LPP: variants seen among roughly 807,000 people sequenced by gnomAD.
The protein encoded by LPP is lipoma-preferred partner.
LPP carries 38 observed loss-of-function variants against 60.4 expected under a neutral mutation model. The ratio of observed to expected loss-of-function variants is 0.63; its 90% CI spans 0.49 to 0.83. The LOEUF (loss-of-function observed/expected upper bound fraction) is 0.83, where lower values mean the gene tolerates loss of function less well. LPP is among the 40% of genes least tolerant of loss of function. The probability of loss-of-function intolerance (pLI) is 0.00; values close to 1 mark genes in which losing one functional copy is unlikely to be tolerated. For missense variants in LPP, 902 were observed against 783.6 expected, an observed-to-expected ratio of 1.15 and a Z score of -1.80; for synonymous variants, 328 against 290.8, an observed-to-expected ratio of 1.13 and a Z score of -1.30.
chr3:188,723,904 T>A (rs187105391), intron 8 of LPP, among the ~76,000 whole-genome samples: 2 of 152,294 alleles, frequency 1.3e-5, no homozygotes, highest in East Asian at 3.9e-4. Flanking sequence ...GGAGAGCACA[T>A]CTTTCTTATC....
intron 8 of LPP, among the ~76,000 whole-genome samples, chr3:188,735,372 T>C (rs1722118226): frequency 6.7e-6 from 1 of 149,500 alleles, no homozygotes; most frequent in Non-Finnish European, 1.5e-5. Context: ...AAATAAAAAT[T>C]TTATTTTATT....
At chr3:188,479,145 G>A (rs775968627) in intron 4 of LPP, among the ~76,000 whole-genome samples, 15 of 152,250 alleles carry the variant, frequency 9.9e-5, no homozygotes, top group African/African-American at 2.9e-4. Flanking sequence ...GTGTGTGTGC[G>A]TGTGTGTGTA....
chr3:188,219,868 T>C (rs556112222), intron 1 of LPP, among the ~76,000 whole-genome samples: 11 of 152,288 alleles, frequency 7.2e-5, no homozygotes, highest in Non-Finnish European at 1.3e-4. Context: ...TCTTCATTCA[T>C]AGAACTCCCA....
At chr3:188,407,788 G>T (rs3846181) in intron 4 of LPP, among the ~76,000 whole-genome samples, 51,644 of 106,724 alleles carry the variant, frequency 0.48, 12,790 homozygotes, top group Middle Eastern at 0.69. Flanking sequence ...TTGTTTGTTT[G>T]TTTTTTTTTT....
At chr3:188,375,115 T>C (rs1207009474) in intron 3 of LPP, among the ~76,000 whole-genome samples, 1 of 152,164 alleles carries the variant, frequency 6.6e-6, no homozygotes, top group Non-Finnish European at 1.5e-5. Context: ...TTGCCAGTAT[T>C]TTATTGAGGA....
At chr3:188,681,759 C>T (rs955369878) in intron 7 of LPP, among the ~76,000 whole-genome samples, 9 of 152,276 alleles carry the variant, frequency 5.9e-5, no homozygotes, top group African/African-American at 7.2e-5. Context: ...TTGACTTTTA[C>T]GCCATTTTTC....
chr3:188,857,291 T>C (rs1764078507), intron 9 of LPP, among the ~76,000 whole-genome samples: 2 of 152,244 alleles, frequency 1.3e-5, no homozygotes, highest in South Asian at 4.1e-4. Flanking sequence ...AACTGCATTC[T>C]GAATAATTGC....
intron 8 of LPP, 136 bp downstream of exon 8, chr3:188,708,529 C>A: frequency 1.8e-6 from 2 of 1,141,708 alleles, no homozygotes; most frequent in Non-Finnish European, 2.6e-6. Context: ...CATCCCCGCA[C>A]AACTAAGTAA....
At chr3:188,743,424 T>A (rs1033980033) in intron 8 of LPP, among the ~76,000 whole-genome samples, 3 of 151,942 alleles carry the variant, frequency 2.0e-5, no homozygotes, top group Non-Finnish European at 2.9e-5. Context: ...AAGAGAATCC[T>A]TAGGCCTAAA....
intron 1 of LPP, among the ~76,000 whole-genome samples, chr3:188,155,277 C>T (rs776158822): frequency 6.6e-6 from 1 of 152,104 alleles, no homozygotes; most frequent in Non-Finnish European, 1.5e-5. Context: ...AAACAACTAG[C>T]GAGAACTCAG....
At chr3:188,803,516 A>AT (rs1011942868) in intron 9 of LPP, among the ~76,000 whole-genome samples, 16 of 152,136 alleles carry the variant, frequency 1.1e-4, no homozygotes, top group African/African-American at 3.9e-4. Flanking sequence ...GAGTAAAGGT[A>AT]TTTTTCCCCC....
At chr3:188,807,665 A>G (rs1226405882) in intron 9 of LPP, among the ~76,000 whole-genome samples, 1 of 152,062 alleles carries the variant, frequency 6.6e-6, no homozygotes, top group Non-Finnish European at 1.5e-5. Flanking sequence ...CTCTGTTACT[A>G]TGATTTTCAT....
intron 7 of LPP, among the ~76,000 whole-genome samples, chr3:188,687,041 G>T (rs1461589355): frequency 6.6e-6 from 1 of 152,244 alleles, no homozygotes; most frequent in Non-Finnish European, 1.5e-5. Flanking sequence ...CAGGCTGTCT[G>T]AAAGGACACA....
At chr3:188,302,818 T>C (rs1750342614) in intron 2 of LPP, among the ~76,000 whole-genome samples, 1 of 152,186 alleles carries the variant, frequency 6.6e-6, no homozygotes, top group African/African-American at 2.4e-5. Context: ...TCACAGCACA[T>C]TTATTTACTT....
At chr3:188,455,783 G>T (rs541269240) in intron 4 of LPP, among the ~76,000 whole-genome samples, 1 of 152,040 alleles carries the variant, frequency 6.6e-6, no homozygotes, top group Non-Finnish European at 1.5e-5. Flanking sequence ...TTTGCAGAGG[G>T]TCTTTTTACT....
At chr3:188,348,380 T>G (rs536651937) in intron 3 of LPP, among the ~76,000 whole-genome samples, 158 of 152,248 alleles carry the variant, frequency 1.0e-3, no homozygotes, top group African/African-American at 3.5e-3. Context: ...ACTCCTGACC[T>G]CAGGTGATCC....
rs976360533 is a variant in LPP, at chr3:188,426,138, T to C, written c.193+19825T>C. Among the ~76,000 whole-genome samples the C allele has an allele frequency of 4.7e-5, 7 of 147,556 alleles. 1 individual carries two copies. Among genetic ancestry groups the C allele is most frequent in the Admixed American group, 6.6e-5 (1 of 15,170 alleles). On this transcript the variant is annotated intron_variant, in intron 4 of 11. Transcript: ENST00000617246. Reference sequence around the variant, plus strand: ...ACTGCTTTAGCTGTGTCCCAGAAATTGTGACATGTTGTGTCTTTATTCTGA... The same window carrying C: ...ACTGCTTTAGCTGTGTCCCAGAAATCGTGACATGTTGTGTCTTTATTCTGA...
chr3:188,278,398 G>A (rs542291632), intron 2 of LPP, among the ~76,000 whole-genome samples: 1 of 152,316 alleles, frequency 6.6e-6, no homozygotes, highest in African/African-American at 2.4e-5. Flanking sequence ...GTGGTTGGAA[G>A]GAGTGCTCTG....
At chr3:188,385,908 T>G (rs1353184363) in intron 3 of LPP, among the ~76,000 whole-genome samples, 1 of 152,190 alleles carries the variant, frequency 6.6e-6, no homozygotes, top group African/African-American at 2.4e-5. Context: ...ATACTCTTCT[T>G]TCTTTATGCA....
Sources: gnomAD v4.1 joint callset for allele counts (sites outside exome capture counted in the v4.1 genomes callset) on GRCh38, gnomAD v4.1.1 for gene constraint, MANE v1.5 for transcripts, NCBI Gene and HGNC (gene_info 2026-07-23, HGNC 2026-07-21) for gene names.